MSRB3: variants seen among roughly 807,000 people sequenced by gnomAD.
The protein encoded by MSRB3 is methionine-R-sulfoxide reductase B3.
MSRB3 carries 13 observed loss-of-function variants against 21.0 expected under a neutral mutation model. That is an observed-to-expected ratio of 0.62 (90% CI 0.40 to 0.98). MSRB3 has a LOEUF of 0.98. MSRB3 is among the 50% of genes least tolerant of loss of function. The pLI is 0.00. For synonymous variants in MSRB3, 87 were observed against 88.6 expected, an observed-to-expected ratio of 0.98 and a Z score of 0.10; for missense variants, 199 against 230.3, an observed-to-expected ratio of 0.86 and a Z score of 0.88.
chr12:65,354,063 T>C (rs1475134773), intron 4 of MSRB3, among the ~76,000 whole-genome samples: 1 of 152,072 alleles, frequency 6.6e-6, no homozygotes, highest in Non-Finnish European at 1.5e-5. Context: ...CCCCACTCTC[T>C]TCTGGCTTGT....
intron 5 of MSRB3, among the ~76,000 whole-genome samples, chr12:65,371,571 TTA>T (rs1162230577): frequency 3.2e-5 from 3 of 93,806 alleles, no homozygotes; most frequent in African/African-American, 4.4e-5. Context: ...AAGTTAAATT[TTA>T]TGTGTGTGTG....
intron 5 of MSRB3, among the ~76,000 whole-genome samples, chr12:65,421,111 C>A (rs7315374): frequency 0.32 from 48,672 of 152,048 alleles, 8,118 homozygotes; most frequent in Middle Eastern, 0.48. Flanking sequence ...TTTTTTTCTG[C>A]AACCTTGCCA....
chr12:65,377,566 C>G (rs1351135258), intron 5 of MSRB3, among the ~76,000 whole-genome samples: 1 of 152,224 alleles, frequency 6.6e-6, no homozygotes, highest in Non-Finnish European at 1.5e-5. Flanking sequence ...TCCCAAATTG[C>G]TGGGATTACA....
At chr12:65,323,445 T>G (rs545555189) in intron 2 of MSRB3, among the ~76,000 whole-genome samples, 17 of 152,344 alleles carry the variant, frequency 1.1e-4, no homozygotes, top group Non-Finnish European at 2.5e-4. Flanking sequence ...AATGGCAATA[T>G]TATCTCCTCA....
chr12:65,308,962 C>T, intron 2 of MSRB3: 1 of 412,696 alleles, frequency 2.4e-6, no homozygotes, highest in Non-Finnish European at 4.5e-6. Flanking sequence ...AAGAGGCTGG[C>T]AGTCTGAGTA....
At chr12:65,333,619 C>G (rs138254361) in intron 4 of MSRB3, among the ~76,000 whole-genome samples, 251 of 152,248 alleles carry the variant, frequency 1.6e-3, no homozygotes, top group African/African-American at 5.7e-3. Flanking sequence ...GAGAAGGCAT[C>G]TAAATTCCTA....
chr12:65,342,158 A>T (rs921218284), intron 4 of MSRB3, among the ~76,000 whole-genome samples: 1 of 151,830 alleles, frequency 6.6e-6, no homozygotes, highest in Admixed American at 6.6e-5. Context: ...TGGACTACTA[A>T]ATATTTTACT....
chr12:65,360,607 G>C (rs1877644955), intron 4 of MSRB3, among the ~76,000 whole-genome samples: 1 of 151,958 alleles, frequency 6.6e-6, no homozygotes, highest in African/African-American at 2.4e-5. Flanking sequence ...CCTTCTCTCT[G>C]TTTTCCTCTT....
intron 4 of MSRB3, among the ~76,000 whole-genome samples, chr12:65,337,383 G>A (rs1875845606): frequency 7.6e-6 from 1 of 132,142 alleles, no homozygotes; most frequent in African/African-American, 2.9e-5. Flanking sequence ...GCAGCGAGCC[G>A]AGATCACACC....
rs181730032 is a variant in MSRB3, at chr12:65,347,174, G to A, written c.263+18571G>A. Among the ~76,000 whole-genome samples, 30 of 152,286 alleles carry A rather than the reference G, an allele frequency of 2.0e-4. 1 individual carries two copies. The East Asian group carries it at 5.6e-3, about 28-fold the overall frequency. Reference sequence around the variant, plus strand: ...GCATTGAATCTATAAATTACCTTGGGCAGTATGGGCATTTTCACGATATTG... The same window carrying A: ...GCATTGAATCTATAAATTACCTTGGACAGTATGGGCATTTTCACGATATTG... On this transcript the variant is annotated intron_variant, in intron 4 of 6. Coordinates refer to ENST00000308259, the MANE Select transcript of MSRB3 (RefSeq NM_001031679.3).
At chr12:65,404,982 G>A (rs1322828903) in intron 5 of MSRB3, among the ~76,000 whole-genome samples, 1 of 149,942 alleles carries the variant, frequency 6.7e-6, no homozygotes, top group African/African-American at 2.5e-5. Context: ...TTTAGACAGA[G>A]TCTCAGTCTG....
chr12:65,328,455 A>G (rs774374294), intron 3 of MSRB3, 71 bp from the exon 4 acceptor site: 1 of 1,103,274 alleles, frequency 9.1e-7, no homozygotes, highest in Non-Finnish European at 1.4e-6. Flanking sequence ...AGAGAAATAT[A>G]TTTTAAGCAA....
intron 5 of MSRB3, among the ~76,000 whole-genome samples, chr12:65,400,249 T>C (rs1022291131): frequency 1.3e-5 from 2 of 151,956 alleles, no homozygotes; most frequent in African/African-American, 4.8e-5. Flanking sequence ...TTTTTTTTTT[T>C]TGGTTGGTAG....
chr12:65,370,334 A>AGT (rs1878248874), intron 5 of MSRB3, among the ~76,000 whole-genome samples: 1 of 152,286 alleles, frequency 6.6e-6, no homozygotes, highest in Middle Eastern at 3.4e-3. Flanking sequence ...GTTGATGGAG[A>AGT]GTGTAATTTT....
intron 4 of MSRB3, among the ~76,000 whole-genome samples, chr12:65,351,496 A>T (rs1239171017): frequency 1.3e-5 from 2 of 149,094 alleles, no homozygotes; most frequent in Non-Finnish European, 2.9e-5. Flanking sequence ...GACACAAAAA[A>T]CCCTTCAAAA....
At chr12:65,438,009 G>C (rs1239963855) in intron 5 of MSRB3, among the ~76,000 whole-genome samples, 1 of 151,904 alleles carries the variant, frequency 6.6e-6, no homozygotes, top group Non-Finnish European at 1.5e-5. Context: ...TCCCTGATGA[G>C]ATAATTATGC....
At chr12:65,373,620 T>C (rs953709392) in intron 5 of MSRB3, among the ~76,000 whole-genome samples, 1 of 152,124 alleles carries the variant, frequency 6.6e-6, no homozygotes, top group Non-Finnish European at 1.5e-5. Flanking sequence ...GGAAATGGGC[T>C]CATAGAACAC....
At chr12:65,463,106 A>T in intron 6 of MSRB3, 49 bp from the exon 7 acceptor site, 1 of 1,611,108 alleles carries the variant, frequency 6.2e-7, no homozygotes, top group Non-Finnish European at 8.5e-7. Context: ...TTCCTCTCAA[A>T]GCCTGCTTTG....
chr12:65,318,738 T>C (rs1211822430), intron 2 of MSRB3, among the ~76,000 whole-genome samples: 1 of 152,166 alleles, frequency 6.6e-6, no homozygotes, highest in African/African-American at 2.4e-5. Context: ...ATTTTAAAAA[T>C]ATTTCCCTAA....
Sources: allele counts gnomAD v4.1 joint callset (sites outside exome capture counted in the v4.1 genomes callset), GRCh38; gene constraint gnomAD v4.1.1; transcripts MANE v1.5; gene names NCBI Gene and HGNC (gene_info 2026-07-23, HGNC 2026-07-21).